ADGRV1: variants seen among roughly 807,000 people sequenced by gnomAD.
ADGRV1 encodes G-protein coupled receptor 98.
Under a neutral mutation model 596.2 loss-of-function variants are expected in ADGRV1, and 359 were observed. That is an observed-to-expected ratio of 0.60 (90% confidence interval 0.55 to 0.66). The LOEUF is 0.66. Ranked by LOEUF, ADGRV1 falls within the 30% of genes least tolerant of loss-of-function variation. ADGRV1 has a pLI of 0.00. For synonymous variants in ADGRV1, 2,681 were observed against 2,679.2 expected (o/e 1.00, Z -0.02); for missense variants, 7,274 against 7,575.6 (o/e 0.96, Z 1.48).
chr5:90,568,574 T>C (rs535838234), intron 1 of ADGRV1, among the ~76,000 whole-genome samples: 1 of 152,360 alleles, frequency 6.6e-6, no homozygotes, highest in Admixed American at 6.5e-5. Context: ...CTTGATAAGA[T>C]ATGTATTCTG....
At chr5:90,795,519 C>A (rs1436540037) in intron 70 of ADGRV1, among the ~76,000 whole-genome samples, 2 of 152,184 alleles carry the variant, frequency 1.3e-5, no homozygotes, top group Non-Finnish European at 1.5e-5. Context: ...AGAGAAAACC[C>A]CCATCTCCCT....
At chr5:90,888,723 T>A (rs2150572900) in intron 83 of ADGRV1, among the ~76,000 whole-genome samples, 2 of 152,292 alleles carry the variant, frequency 1.3e-5, no homozygotes, top group East Asian at 3.9e-4. Context: ...TCACCTTCTA[T>A]GCTTGGCTTA....
rs75191159 is a variant in ADGRV1 at position 90,694,332 on chromosome 5, A to C, written c.7576A>C (p.Ile2526Leu). The change falls in exon 33 of 90, where the codon ATT (isoleucine) becomes CTT (leucine). Residue 2526 changes from isoleucine to leucine, a missense_variant. By Grantham distance (5) the Ile-to-Leu change is conservative. Around this residue, in one of 5 missense-constraint regions of ADGRV1, gnomAD observed 3,643 missense variants for 3,809.2 expected, o/e 0.96. Transcript: ENST00000405460. ...GDEFANLTVS[I>L]LPDDFPEMDE... is the part of the protein sequence containing the mutation. Reference sequence around the variant, plus strand: ...TGAATTCGCAAATCTCACAGTGTCTATTCTTCCTGATGATTTCCCAGAGAT... The same window carrying C: ...TGAATTCGCAAATCTCACAGTGTCTCTTCTTCCTGATGATTTCCCAGAGAT... 36 of 1,613,844 alleles carry C rather than the reference A, an allele frequency of 2.2e-5. 1 individual carries two copies. In the African/African-American group the frequency reaches 2.8e-4, roughly 13 times the overall value.
rs1406482551 is a variant in ADGRV1 at position 90,652,461 on chromosome 5, T to G, written c.3532T>G (p.Phe1178Val). ...EFYETSGTVN[F>V]MDGEEAKPII... ...CTATGAAACTTCAGGAACTGTTAAC[T>G]TCATGGATGGAGAAGAAGCAAAACC... is the stretch of plus-strand genomic sequence containing the variant. Residue 1178 changes from phenylalanine (F) to valine (V), a missense_variant, in exon 19 of 90, where the codon TTC (phenylalanine) becomes GTC (valine). Physicochemically the swap from Phe to Val is conservative, Grantham distance 50. Transcript: ENST00000405460. 1 of 1,613,418 alleles carries G rather than the reference T, an allele frequency of 6.2e-7. No homozygotes were observed. Among genetic ancestry groups the G allele is most frequent in the Admixed American group, 1.7e-5 (1 of 59,998 alleles).
intron 1 of ADGRV1, among the ~76,000 whole-genome samples, chr5:90,601,863 G>C (rs1761454319): frequency 6.6e-6 from 1 of 152,208 alleles, no homozygotes; most frequent in African/African-American, 2.4e-5. Context: ...ATAATTGCTT[G>C]AGGAAGCCAA....
intron 83 of ADGRV1, among the ~76,000 whole-genome samples, chr5:90,908,538 A>T (rs1248752428): frequency 1.3e-5 from 2 of 152,204 alleles, no homozygotes; most frequent in Non-Finnish European, 2.9e-5. Flanking sequence ...CATATTTCAC[A>T]TATGTGAAGA....
chr5:91,038,291 C>T (rs1298408574), intron 85 of ADGRV1, among the ~76,000 whole-genome samples: 2 of 152,182 alleles, frequency 1.3e-5, no homozygotes, highest in Non-Finnish European at 2.9e-5. Context: ...GGACTTGATT[C>T]TGATGGCAAT....
At chr5:90,853,124 A>G (rs924306857) in intron 79 of ADGRV1, among the ~76,000 whole-genome samples, 160 bp from the exon 80 acceptor site, 1 of 152,230 alleles carries the variant, frequency 6.6e-6, no homozygotes, top group African/African-American at 2.4e-5. Context: ...ATTATCCACA[A>G]AAGAACTGAA....
chr5:90,724,060 TTAGA>T (rs976889047), intron 45 of ADGRV1, among the ~76,000 whole-genome samples: 11 of 152,106 alleles, frequency 7.2e-5, no homozygotes, highest in Middle Eastern at 3.4e-3. Context: ...AAGTGAAAAA[TTAGA>T]TAGGCATAAT....
Position 90,745,093 on chromosome 5 carries a change from A to G in ADGRV1, c.10597A>G (p.Asn3533Asp). ...GQDMSALYCW[N>D]SERNQFSFVL... is the part of the protein sequence containing the mutation. ...AGATATGTCTGCTCTTTACTGCTGG[A>G]ATTCGGAGCGTAATCAATTCTCTTT... The change falls in exon 51 of 90, where the codon AAT becomes GAT. Residue 3533 changes from asparagine to aspartate, a missense_variant. By Grantham distance (23) the Asn-to-Asp change is conservative. Transcript: ENST00000405460. The G allele has an allele frequency of 6.2e-7, 1 of 1,613,802 alleles. No individual in the cohort carries two copies.
chr5:90,933,896 T>C (rs1222066149), intron 83 of ADGRV1, among the ~76,000 whole-genome samples: 3 of 152,182 alleles, frequency 2.0e-5, no homozygotes, highest in African/African-American at 7.2e-5. Context: ...TCTGGTCTCC[T>C]TTGGCCTTAT....
In ADGRV1 at chr5:90,781,305, G is replaced by A. The variant is rs1758813317; in HGVS notation, c.13083-125G>A. 7 of 741,872 alleles carry A rather than the reference G, an allele frequency of 9.4e-6. No individual in the cohort carries two copies. The Admixed American group carries it at 1.3e-4, about 14-fold the overall frequency. The allele number at this position is 741,872 out of a possible 1,614,324, so 46.0% of individuals were successfully genotyped here. A position where few individuals can be genotyped will look rare whatever the true frequency, so the allele number is the denominator to read the frequency against. On this transcript the variant is annotated intron_variant, in intron 64 of 89. Transcript: ENST00000405460. ...ATTTTAGCGTTGAGGATCTTTAAAA[G>A]TATTGCAGTACTTTATAGAACTAAG...
At chr5:90,599,482 G>GTACCAA (rs1392048199) in intron 1 of ADGRV1, among the ~76,000 whole-genome samples, 2 of 151,978 alleles carry the variant, frequency 1.3e-5, no homozygotes, top group African/African-American at 4.8e-5. Context: ...ACTTCTAGAG[G>GTACCAA]GTACTTAACA....
At chr5:90,919,045 T>C (rs1180424308) in intron 83 of ADGRV1, among the ~76,000 whole-genome samples, 1 of 152,236 alleles carries the variant, frequency 6.6e-6, no homozygotes, top group Non-Finnish European at 1.5e-5. Flanking sequence ...GATCATCCTC[T>C]GGTTTTCTGG....
intron 87 of ADGRV1, among the ~76,000 whole-genome samples, chr5:91,109,750 A>G (rs1327219839): frequency 1.3e-5 from 2 of 152,196 alleles, no homozygotes; most frequent in Non-Finnish European, 2.9e-5. Flanking sequence ...TACTCTGGCC[A>G]GGCCTGGGTC....
chr5:91,005,498 G>T (rs902210327), intron 85 of ADGRV1, among the ~76,000 whole-genome samples: 4 of 151,914 alleles, frequency 2.6e-5, no homozygotes, highest in African/African-American at 9.7e-5. Context: ...CACCATGCCC[G>T]GCTAATTTCT....
intron 87 of ADGRV1, among the ~76,000 whole-genome samples, chr5:91,131,455 G>A (rs898847456): frequency 1.5e-5 from 2 of 129,720 alleles, no homozygotes; most frequent in African/African-American, 5.8e-5. Context: ...TCTTTTTGTT[G>A]TTGTTGCTGT....
chr5:90,621,274 A>G (rs890718645), intron 4 of ADGRV1, among the ~76,000 whole-genome samples: 4 of 152,160 alleles, frequency 2.6e-5, no homozygotes, highest in Admixed American at 6.5e-5. Flanking sequence ...AATTGGTTGT[A>G]TTGTATGTCA....
At chr5:91,109,584 T>C (rs752373604) in intron 87 of ADGRV1, among the ~76,000 whole-genome samples, 18 of 152,174 alleles carry the variant, frequency 1.2e-4, no homozygotes, top group Non-Finnish European at 2.5e-4. Context: ...CCAAGTGCAT[T>C]GATCATGGTG....
Sources: allele counts gnomAD v4.1 joint callset (sites outside exome capture counted in the v4.1 genomes callset), GRCh38; gene constraint gnomAD v4.1.1; regional missense constraint gnomAD v4.1.1; transcripts MANE v1.5; gene names NCBI Gene and HGNC (gene_info 2026-07-23, HGNC 2026-07-21).